The following KIAA1671 variants were observed in gnomAD, a reference collection of about 807,000 sequenced individuals.
KIAA1671 encodes the protein KIAA1671.
In KIAA1671, 52 loss-of-function variants were observed where a neutral mutation model predicts 131.2. That is an observed-to-expected ratio of 0.40 (90% CI 0.32 to 0.50). KIAA1671 has a LOEUF of 0.50. Ranked by LOEUF, KIAA1671 falls within the 20% of genes least tolerant of loss-of-function variation. KIAA1671 has a pLI of 0.73. For synonymous variants in KIAA1671, 1,003 were observed against 961.6 expected (o/e 1.04, Z -0.80); for missense variants, 2,360 against 2,364.2 (o/e 1.00, Z 0.04).
chr22:25,177,281 G>A, intron 8 of KIAA1671, 67 bp from the exon 9 acceptor site: 1 of 1,431,560 alleles, frequency 7.0e-7, no homozygotes. Flanking sequence ...ACCGCCAACT[G>A]TGTTGTGGTA....
intron 6 of KIAA1671, among the ~76,000 whole-genome samples, chr22:25,079,058 C>T (rs1190833260): frequency 2.0e-5 from 3 of 152,176 alleles, no homozygotes; most frequent in Non-Finnish European, 4.4e-5. Context: ...CTCAGTGAGG[C>T]GATGCAAACA....
Position 25,028,688 on chromosome 22 carries a change from C to T in KIAA1671, c.689C>T (p.Pro230Leu). The change falls in exon 3 of 13, where the codon CCC becomes CTC. Residue 230 changes from proline (P) to leucine (L), a missense_variant. Coordinates refer to ENST00000358431, the MANE Select transcript of KIAA1671 (RefSeq NM_001145206.2). ...AGCAGTGTGGAGGACACGGCACGCCCCCTTGTGGAGCCCAGGCCTCGCCTG... is the reference window on the plus strand; with the variant it reads ...AGCAGTGTGGAGGACACGGCACGCCTCCTTGTGGAGCCCAGGCCTCGCCTG... ...KASSVEDTAR[P>L]LVEPRPRLKR... The T allele has an allele frequency of 1.3e-6, 2 of 1,551,192 alleles. No homozygotes were observed. The highest frequency in any genetic ancestry group is 2.4e-5 in the East Asian group (1 of 40,914).
At chr22:25,025,164 G>GGCACA (rs1925873065) in intron 1 of KIAA1671, among the ~76,000 whole-genome samples, 1 of 50,704 alleles carries the variant, frequency 2.0e-5, no homozygotes, top group Non-Finnish European at 4.6e-5. Context: ...TACCAAGTGA[G>GGCACA]TCAGCACCTC....
chr22:25,111,631 T>C (rs1931351195), intron 6 of KIAA1671, among the ~76,000 whole-genome samples: 1 of 152,182 alleles, frequency 6.6e-6, no homozygotes, highest in Non-Finnish European at 1.5e-5. Flanking sequence ...GAGCGGGGTC[T>C]GGCCGAGGGC....
At chr22:25,020,325 A>C (rs6004397) in intron 1 of KIAA1671, among the ~76,000 whole-genome samples, 1 of 152,002 alleles carries the variant, frequency 6.6e-6, no homozygotes, top group Admixed American at 6.5e-5. Context: ...CATGGTGCCT[A>C]ACTCTTGATG....
At chr22:25,097,156 T>C (rs1264889577) in intron 6 of KIAA1671, among the ~76,000 whole-genome samples, 1 of 152,196 alleles carries the variant, frequency 6.6e-6, no homozygotes, top group Non-Finnish European at 1.5e-5. Flanking sequence ...CCTTATCATA[T>C]GGTAAGTGTA....
At position 25,040,401 on chromosome 22, in the gene KIAA1671, G is replaced by A. The variant is rs771337967; in HGVS notation, c.3271G>A (p.Gly1091Arg). ...GGCAGGCAGTAAAAACTGGATGAAG[G>A]GACGAGAGCATGAAAATGCAAGCAT... ...EMAGSKNWMK[G>R]REHENASILK... The change falls in exon 5 of 13, where the codon GGA becomes AGA. Residue 1091 changes from glycine (G) to arginine (R), a missense_variant. Coordinates refer to ENST00000358431, the MANE Select transcript of KIAA1671 (RefSeq NM_001145206.2). 30 of 1,551,816 alleles carry A rather than the reference G, an allele frequency of 1.9e-5. No homozygotes were observed. The highest frequency in any genetic ancestry group is 2.4e-5 in the Non-Finnish European group (28 of 1,147,064).
At chr22:25,166,494 G>A (rs1223947002) in intron 6 of KIAA1671, among the ~76,000 whole-genome samples, 1 of 152,122 alleles carries the variant, frequency 6.6e-6, no homozygotes, top group African/African-American at 2.4e-5. Flanking sequence ...TTGACCTTTT[G>A]GTTTCTAGGG....
intron 11 of KIAA1671, 146 bp from the exon 12 acceptor site, chr22:25,190,556 G>A (rs766625420): frequency 1.4e-5 from 9 of 627,756 alleles, no homozygotes; most frequent in African/African-American, 5.5e-5. Flanking sequence ...TATCAGTCCC[G>A]TTAATATGGG....
Position 24,957,671 on chromosome 22 carries a change from CTTTTTTTTTT to C in KIAA1671, c.-208+4913_-208+4922del, listed in dbSNP as rs886130979. Among the ~76,000 whole-genome samples, 170 of 100,312 alleles carry C rather than the reference CTTTTTTTTTT, an allele frequency of 1.7e-3. 1 individual carries two copies. Among genetic ancestry groups the C allele is most frequent in the African/African-American group, 7.0e-3 (164 of 23,450 alleles). 65.8% of individuals were successfully genotyped at this position (100,312 alleles called of 152,430 possible). ...GAATCTGGGCTAAGCTCTTTTGTTC[CTTTTTTTTTT>C]TTTTTTTTTTTTTGAGACGGAGTTT... On this transcript the variant is annotated intron_variant, in intron 1 of 12. Transcript: ENST00000358431.
At chr22:25,085,248 A>G (rs6004430) in intron 6 of KIAA1671, among the ~76,000 whole-genome samples, 13,996 of 152,156 alleles carry the variant, frequency 0.092, 1,572 homozygotes, top group African/African-American at 0.27. Context: ...ATTCAAAGCC[A>G]TTGTTTTCCT....
intron 3 of KIAA1671, among the ~76,000 whole-genome samples, chr22:25,031,576 C>T (rs1272607349): frequency 6.6e-6 from 1 of 151,862 alleles, no homozygotes; most frequent in Admixed American, 6.6e-5. Context: ...ATGATCTGCC[C>T]GCCTCAGCCT....
intron 6 of KIAA1671, among the ~76,000 whole-genome samples, chr22:25,117,504 A>T (rs900742411): frequency 2.6e-5 from 4 of 151,582 alleles, no homozygotes; most frequent in African/African-American, 9.7e-5. Flanking sequence ...CCCAAGGCCG[A>T]GTGGGAGTAT....
intron 6 of KIAA1671, among the ~76,000 whole-genome samples, chr22:25,119,945 A>T (rs1294254220): frequency 6.6e-6 from 1 of 152,216 alleles, no homozygotes; most frequent in Admixed American, 6.5e-5. Context: ...AGGATGTCAG[A>T]TTTTAGCATT....
intron 1 of KIAA1671, among the ~76,000 whole-genome samples, chr22:24,986,485 A>G (rs1923541294): frequency 6.6e-6 from 1 of 152,208 alleles, no homozygotes; most frequent in East Asian, 1.9e-4. Context: ...GAATATGACA[A>G]GAAAAAAAAA....
chr22:25,016,758 A>G (rs997558314), intron 1 of KIAA1671, among the ~76,000 whole-genome samples: 2 of 152,154 alleles, frequency 1.3e-5, no homozygotes, highest in Non-Finnish European at 2.9e-5. Flanking sequence ...TTGCAACTAC[A>G]TAGGGGTGAT....
intron 1 of KIAA1671, among the ~76,000 whole-genome samples, chr22:24,986,712 C>T (rs1923567673): frequency 6.9e-6 from 1 of 145,772 alleles, no homozygotes; most frequent in African/African-American, 2.5e-5. Context: ...TCCATCCACC[C>T]ACCCACCCAT....
At chr22:24,999,502 A>G (rs534863466) in intron 1 of KIAA1671, among the ~76,000 whole-genome samples, 16 of 151,334 alleles carry the variant, frequency 1.1e-4, no homozygotes, top group Middle Eastern at 6.8e-3. Flanking sequence ...TGCTGGGATT[A>G]TAGGCGTGAG....
intron 6 of KIAA1671, among the ~76,000 whole-genome samples, chr22:25,164,243 G>A (rs1933560992): frequency 6.6e-6 from 1 of 152,186 alleles, no homozygotes; most frequent in Admixed American, 6.5e-5. Flanking sequence ...AAGGAGCACT[G>A]GGAAAGGAGC....
Sources: allele counts gnomAD v4.1 joint callset (sites outside exome capture counted in the v4.1 genomes callset), GRCh38; gene constraint gnomAD v4.1.1; transcripts MANE v1.5; gene names NCBI Gene and HGNC (gene_info 2026-07-23, HGNC 2026-07-21).